The following MTSS1 variants were observed in gnomAD, a reference collection of about 807,000 sequenced individuals.
The protein encoded by MTSS1 is MTSS I-BAR domain containing 1, also known as protein MTSS 1.
In MTSS1, 18 loss-of-function variants were observed where a neutral mutation model predicts 79.0. The observed-to-expected ratio is 0.23, with a 90% CI of 0.16 to 0.34. The LOEUF (loss-of-function observed/expected upper bound fraction) is 0.34, where lower values mean the gene tolerates loss of function less well. Ranked by LOEUF, MTSS1 falls within the 10% of genes least tolerant of loss-of-function variation. MTSS1 has a pLI of 1.00. For synonymous variants in MTSS1, 341 were observed against 368.6 expected (o/e 0.93, Z 0.86); for missense variants, 815 against 986.2 (o/e 0.83, Z 2.33).
intron 1 of MTSS1, among the ~76,000 whole-genome samples, chr8:124,721,741 C>G (rs534612751): frequency 2.0e-5 from 3 of 152,198 alleles, no homozygotes; most frequent in Admixed American, 6.5e-5. Context: ...TGATTCTCAG[C>G]CTTGGACATC....
At chr8:124,563,042 G>T in intron 9 of MTSS1, 50 bp from the exon 10 acceptor site, 1 of 1,493,360 alleles carries the variant, frequency 6.7e-7, no homozygotes, top group South Asian at 1.2e-5. Context: ...GTAAAGAAAG[G>T]GGAGCAGTGG....
chr8:124,580,236 T>C (rs1028906449), intron 6 of MTSS1: 4 of 318,348 alleles, frequency 1.3e-5, no homozygotes, highest in Admixed American at 8.4e-5. Flanking sequence ...AAAATGCTTA[T>C]TGACTGTGGA....
At chr8:124,688,207 G>A (rs1827302312) in intron 3 of MTSS1, among the ~76,000 whole-genome samples, 1 of 151,972 alleles carries the variant, frequency 6.6e-6, no homozygotes, top group Admixed American at 6.6e-5. Flanking sequence ...TGTATGTTGT[G>A]TGTATATATG....
chr8:124,576,273 C>T (rs374657880), intron 6 of MTSS1, among the ~76,000 whole-genome samples: 11 of 152,104 alleles, frequency 7.2e-5, no homozygotes, highest in Admixed American at 3.3e-4. Flanking sequence ...ACTTGATGGG[C>T]GAGGGGGTCA....
chr8:124,599,515 G>GAAAAAGA (rs1484022058), intron 3 of MTSS1, among the ~76,000 whole-genome samples: 1 of 148,062 alleles, frequency 6.8e-6, no homozygotes, highest in Non-Finnish European at 1.5e-5. Flanking sequence ...GAGAGAGAAA[G>GAAAAAGA]AAAAAGAAAA....
chr8:124,727,834 G>A lies in MTSS1; in HGVS notation c.72+50C>T. On this transcript the variant is annotated intron_variant, in intron 1 of 13. Coordinates refer to ENST00000518547, the MANE Select transcript of MTSS1 (RefSeq NM_014751.6). The surrounding 1 kb of genome is among the most constrained non-coding windows in gnomAD (Gnocchi z 4.7). ...CGGGGTGGAGGCGAAGCGCGGCGGCGAGGTCAGAGCGCGGCGGCCGGCGCC... is the reference window on the plus strand; with the variant it reads ...CGGGGTGGAGGCGAAGCGCGGCGGCAAGGTCAGAGCGCGGCGGCCGGCGCC... 1.3e-6 allele frequency: 2 copies of A among 1,486,166 alleles called. No individual in the cohort carries two copies. Among genetic ancestry groups the A allele is most frequent in the Non-Finnish European group, 1.8e-6 (2 of 1,113,266 alleles). The allele number at this position is 1,486,166 out of a possible 1,614,324, so 92.1% of individuals were successfully genotyped here. A position where few individuals can be genotyped will look rare whatever the true frequency, so the allele number is the denominator to read the frequency against.
chr8:124,651,850 C>A (rs747293555), intron 3 of MTSS1, among the ~76,000 whole-genome samples: 1 of 152,140 alleles, frequency 6.6e-6, no homozygotes, highest in Non-Finnish European at 1.5e-5. Flanking sequence ...AGCTGCCAGG[C>A]GTGCTCCCCT....
At chr8:124,717,113 A>AC (rs970462927) in intron 1 of MTSS1, among the ~76,000 whole-genome samples, 2 of 151,110 alleles carry the variant, frequency 1.3e-5, no homozygotes, top group Non-Finnish European at 2.9e-5. Context: ...CACTGCCCTC[A>AC]CCCCCTGCCC....
intron 3 of MTSS1, among the ~76,000 whole-genome samples, chr8:124,686,700 G>A (rs796869882): frequency 2.9e-4 from 44 of 152,104 alleles, no homozygotes; most frequent in African/African-American, 1.1e-3. Flanking sequence ...GGCCGAGAAC[G>A]CTGCTAACCA....
intron 3 of MTSS1, among the ~76,000 whole-genome samples, chr8:124,689,596 A>C (rs1400058386): frequency 6.6e-6 from 1 of 151,840 alleles, no homozygotes; most frequent in Non-Finnish European, 1.5e-5. Flanking sequence ...AAATACAAAA[A>C]TTAGCTGGGC....
At chr8:124,689,188 A>G (rs902418806) in intron 3 of MTSS1, among the ~76,000 whole-genome samples, 31 of 152,216 alleles carry the variant, frequency 2.0e-4, no homozygotes, top group African/African-American at 6.5e-4. Flanking sequence ...AGCGCAGGTT[A>G]AAGTGAAAAT....
chr8:124,710,588 C>T lies in MTSS1; in HGVS notation c.73-6397G>A, dbSNP rs372626111. Among the ~76,000 whole-genome samples, 133 of 152,336 alleles carry T rather than the reference C, an allele frequency of 8.7e-4. 4 individuals carry two copies. The South Asian group carries it at 0.023, about 27-fold the overall frequency. On this transcript the variant is annotated intron_variant, in intron 1 of 13. Transcript: ENST00000518547. ...CTAACACAAAGCAAGGCACAGCAAT[C>T]GGCCAACAGCCATTCTGGCTTAGGG... is the stretch of plus-strand genomic sequence containing the variant.
At chr8:124,561,116 G>A (rs1825196197) in intron 10 of MTSS1, among the ~76,000 whole-genome samples, 1 of 152,206 alleles carries the variant, frequency 6.6e-6, no homozygotes, top group Admixed American at 6.5e-5. Context: ...ATTAAGTTTT[G>A]TAGCATCCCT....
At chr8:124,630,584 G>T (rs575185998) in intron 3 of MTSS1, among the ~76,000 whole-genome samples, 1 of 152,208 alleles carries the variant, frequency 6.6e-6, no homozygotes, top group African/African-American at 2.4e-5. Context: ...AGTTTGAGAA[G>T]CACTGGTCTA....
chr8:124,688,987 T>C (rs577782120), intron 3 of MTSS1, among the ~76,000 whole-genome samples: 1 of 146,092 alleles, frequency 6.8e-6, no homozygotes, highest in Non-Finnish European at 1.5e-5. Context: ...ATAGTTCCTT[T>C]AAAAAAAAAA....
chr8:124,606,084 T>G (rs1834799565), intron 3 of MTSS1, among the ~76,000 whole-genome samples: 1 of 151,590 alleles, frequency 6.6e-6, no homozygotes, highest in Admixed American at 6.6e-5. Flanking sequence ...CAAGAGATTC[T>G]TGTGCCTCAG....
At chr8:124,561,046 C>T (rs539828034) in intron 10 of MTSS1, among the ~76,000 whole-genome samples, 8 of 152,300 alleles carry the variant, frequency 5.3e-5, no homozygotes, top group Admixed American at 4.6e-4. Context: ...CCTTCAATTT[C>T]CCCTTTACCT....
At chr8:124,674,772 G>A (rs1225731712) in intron 3 of MTSS1, among the ~76,000 whole-genome samples, 4 of 151,648 alleles carry the variant, frequency 2.6e-5, no homozygotes, top group Non-Finnish European at 5.9e-5. Context: ...CACCTGAGTT[G>A]GAGTGCAGTG....
At chr8:124,648,500 GCAGCCCATCA>G (rs1174826066) in intron 3 of MTSS1, among the ~76,000 whole-genome samples, 2 of 152,080 alleles carry the variant, frequency 1.3e-5, no homozygotes, top group African/African-American at 4.8e-5. Flanking sequence ...GGCCCCCAAA[GCAGCCCATCA>G]CAGCTCCTTA....
Sources: gnomAD v4.1 joint callset for allele counts (sites outside exome capture counted in the v4.1 genomes callset) on GRCh38, gnomAD v4.1.1 for gene constraint, Gnocchi (gnomAD v3.1) non-coding constraint, MANE v1.5 for transcripts, NCBI Gene and HGNC (gene_info 2026-07-23, HGNC 2026-07-21) for gene names.